The following RPS6KC1 variants were observed in gnomAD, a reference collection of about 807,000 sequenced individuals.
The protein encoded by RPS6KC1 is inactive ribosomal protein S6 kinase delta-1.
In RPS6KC1, 54 loss-of-function variants were observed where a neutral mutation model predicts 103.8. That is an observed-to-expected ratio of 0.52 (90% CI 0.42 to 0.65). The LOEUF (loss-of-function observed/expected upper bound fraction) is 0.65. RPS6KC1 is among the 30% of genes least tolerant of loss of function. The pLI, the probability that RPS6KC1 is intolerant of heterozygous loss-of-function variation, is 0.00. For synonymous variants in RPS6KC1, 439 were observed against 438.7 expected, an observed-to-expected ratio of 1.00 and a Z score of -0.01; for missense variants, 1,151 against 1,253.8, an observed-to-expected ratio of 0.92 and a Z score of 1.24.
intron 8 of RPS6KC1, among the ~76,000 whole-genome samples, chr1:213,219,412 G>T (rs1457230774): frequency 6.6e-6 from 1 of 152,198 alleles, no homozygotes; most frequent in East Asian, 1.9e-4. Flanking sequence ...CTGTTGGTGG[G>T]ACTATAAACT....
intron 1 of RPS6KC1, among the ~76,000 whole-genome samples, chr1:213,057,535 T>A (rs185343590): frequency 6.6e-6 from 1 of 152,246 alleles, no homozygotes; most frequent in African/African-American, 2.4e-5. Flanking sequence ...TATACTACTA[T>A]ACTTTTGTCT....
chr1:213,375,869 C>A, the RPS6KC1 span, among the ~76,000 whole-genome samples: 1 of 152,186 alleles, frequency 6.6e-6, no homozygotes, highest in South Asian at 2.1e-4. Context: ...GGGTCTCTGG[C>A]CCAGAGGGCC....
chr1:213,214,997 C>A (rs1189267495), intron 8 of RPS6KC1, among the ~76,000 whole-genome samples: 1 of 152,174 alleles, frequency 6.6e-6, no homozygotes, highest in Non-Finnish European at 1.5e-5. Flanking sequence ...GAACACAGCT[C>A]CTCACCAGCA....
At chr1:213,817,074 G>A in the RPS6KC1 span, among the ~76,000 whole-genome samples, 1 of 152,204 alleles carries the variant, frequency 6.6e-6, no homozygotes, top group Non-Finnish European at 1.5e-5. Context: ...TAGCCTAATG[G>A]CACTGGGCTG....
chr1:213,651,428 A>T, the RPS6KC1 span, among the ~76,000 whole-genome samples: 1 of 152,222 alleles, frequency 6.6e-6, no homozygotes, highest in East Asian at 1.9e-4. Flanking sequence ...TGTTTTAGGC[A>T]GCCTTGAAGG....
the RPS6KC1 span, among the ~76,000 whole-genome samples, chr1:213,634,757 C>G: frequency 6.7e-6 from 1 of 149,342 alleles, no homozygotes; most frequent in Non-Finnish European, 1.5e-5. Context: ...GATAGAGACA[C>G]TAAAAATATG....
intron 14 of RPS6KC1, among the ~76,000 whole-genome samples, chr1:213,270,301 G>C (rs1409539093): frequency 2.6e-5 from 4 of 152,238 alleles, no homozygotes; most frequent in East Asian, 3.9e-4. Flanking sequence ...TCATATATTT[G>C]TATATAAGAG....
the RPS6KC1 span, among the ~76,000 whole-genome samples, chr1:213,766,447 G>T: frequency 1.3e-5 from 2 of 152,134 alleles, no homozygotes; most frequent in Non-Finnish European, 2.9e-5. Flanking sequence ...ACTCCTTGAG[G>T]ACTGGAGATG....
At chr1:213,096,533 T>C (rs1256588097) in intron 3 of RPS6KC1, among the ~76,000 whole-genome samples, 1 of 151,970 alleles carries the variant, frequency 6.6e-6, no homozygotes, top group Non-Finnish European at 1.5e-5. Flanking sequence ...GACATGGTGG[T>C]ATACGCCTAT....
rs536536501 is a variant in RPS6KC1, at chr1:213,209,626, T to C, written c.1045-20871T>C. The stretch of plus-strand genomic sequence containing the variant: ...AGGAGAATGGCTTGAACCTGGGAGG[T>C]GGAGGTTGCAATGAGCCGAGATCAT... On this transcript the variant is annotated intron_variant, in intron 8 of 14. Coordinates refer to ENST00000366960, the MANE Select transcript of RPS6KC1 (RefSeq NM_012424.6). Among the ~76,000 whole-genome samples, 15 of 127,282 alleles carry C rather than the reference T, an allele frequency of 1.2e-4. No homozygotes were observed. The East Asian group carries it at 3.3e-3, about 28-fold the overall frequency. 83.5% of individuals were successfully genotyped at this position (127,282 alleles called of 152,430 possible).
At chr1:213,223,178 AG>A (rs2093876455) in intron 8 of RPS6KC1, among the ~76,000 whole-genome samples, 1 of 152,176 alleles carries the variant, frequency 6.6e-6, no homozygotes, top group Admixed American at 6.5e-5. Context: ...GACACCATTA[AG>A]GGATGCTCTG....
chr1:213,191,182 G>T (rs939327904), intron 8 of RPS6KC1, among the ~76,000 whole-genome samples: 4 of 152,134 alleles, frequency 2.6e-5, no homozygotes, highest in Non-Finnish European at 4.4e-5. Context: ...TTTCTGTGAG[G>T]AATGCCATTA....
the RPS6KC1 span, among the ~76,000 whole-genome samples, chr1:213,294,409 C>A: frequency 1.3e-5 from 2 of 152,124 alleles, no homozygotes; most frequent in Admixed American, 1.3e-4. Flanking sequence ...TTTGTTCGCT[C>A]CTCCAAATAC....
chr1:213,111,200 A>G (rs2082997892), intron 4 of RPS6KC1, among the ~76,000 whole-genome samples: 1 of 152,104 alleles, frequency 6.6e-6, no homozygotes, highest in African/African-American at 2.4e-5. Flanking sequence ...GGTGGTTTTG[A>G]CAGATTTCTC....
Position 213,241,943 on chromosome 1 carries a change from A to G in RPS6KC1, c.2467A>G (p.Ser823Gly), listed in dbSNP as rs1310025103. 1 of 1,614,058 alleles carries G rather than the reference A, an allele frequency of 6.2e-7. No individual in the cohort carries two copies. The highest frequency in any genetic ancestry group is 8.5e-7 in the Non-Finnish European group (1 of 1,179,962). Residue 823 changes from serine to glycine, a missense_variant, in exon 11 of 15, where the codon AGT (serine) becomes GGT (glycine). Transcript: ENST00000366960. ...AGAAGAAAGCTTATTCCGTATTTGT[A>G]GTCCACTCTCAGGTGCTAATGAATA... is the stretch of plus-strand genomic sequence containing the variant. ...NTEESLFRIC[S>G]PLSGANEYIA...
the RPS6KC1 span, among the ~76,000 whole-genome samples, chr1:213,610,978 TG>T: frequency 1.3e-5 from 2 of 152,298 alleles, no homozygotes; most frequent in East Asian, 3.9e-4. Context: ...ATAATTTTTT[TG>T]GGGGGTTGCA....
rs1011703193 is a variant in RPS6KC1 at position 213,051,297 on chromosome 1, C to G, written c.-108C>G. 8 of 774,498 alleles carry G rather than the reference C, an allele frequency of 1.0e-5. No homozygotes were observed. In the African/African-American group the frequency reaches 1.4e-4, roughly 14 times the overall value. 48.0% of individuals were successfully genotyped at this position (774,498 alleles called of 1,614,324 possible). A position where few individuals can be genotyped will look rare whatever the true frequency, so the allele number is the denominator to read the frequency against. ...CCGCCGTGGAGCCGCCTTGGAGCCA[C>G]CGCCCCCTCGCCGCTTCGCCGCTGC... On this transcript the variant is annotated 5_prime_UTR_variant, in exon 1 of 15. Transcript: ENST00000366960.
the RPS6KC1 span, among the ~76,000 whole-genome samples, chr1:213,311,209 G>T: frequency 6.7e-6 from 1 of 150,128 alleles, no homozygotes; most frequent in East Asian, 2.0e-4. Context: ...CGCCATCTCC[G>T]CTCACTGCAA....
chr1:213,115,655 A>G (rs1445498971), intron 4 of RPS6KC1, among the ~76,000 whole-genome samples: 3 of 151,454 alleles, frequency 2.0e-5, no homozygotes, highest in East Asian at 1.9e-4. Context: ...TAGGGTGTCA[A>G]TTTTGGATCT....
Sources: gnomAD v4.1 joint callset for allele counts (sites outside exome capture counted in the v4.1 genomes callset) on GRCh38, gnomAD v4.1.1 for gene constraint, MANE v1.5 for transcripts, NCBI Gene and HGNC (gene_info 2026-07-23, HGNC 2026-07-21) for gene names.